The following ROBO1 variants were observed in gnomAD, a reference collection of about 807,000 sequenced individuals.
ROBO1 encodes the protein roundabout guidance receptor 1, also known as roundabout homolog 1.
A neutral mutation model predicts 195.9 loss-of-function variants in ROBO1; 149 were observed. The ratio of observed to expected loss-of-function variants is 0.76; its 90% CI spans 0.67 to 0.87. The LOEUF (loss-of-function observed/expected upper bound fraction) is 0.87. ROBO1 is among the 40% of genes least tolerant of loss of function. The probability of loss-of-function intolerance (pLI) is 0.00; values close to 1 mark genes in which losing one functional copy is unlikely to be tolerated. For synonymous variants in ROBO1, 816 were observed against 733.2 expected (o/e 1.11, Z -1.82); for missense variants, 1,933 against 2,068.3 (o/e 0.93, Z 1.27).
intron 16 of ROBO1, 166 bp from the exon 17 acceptor site, chr3:78,659,973 T>A (rs1194311339): frequency 4.8e-6 from 2 of 414,704 alleles, no homozygotes; most frequent in Non-Finnish European, 8.2e-6. Flanking sequence ...TAGGCTGTAG[T>A]GCTGTGACAT....
At chr3:79,589,702 C>G in intron 2 of ROBO1, 122 bp downstream of exon 2, 1 of 754,240 alleles carries the variant, frequency 1.3e-6, no homozygotes, top group Middle Eastern at 2.5e-4. Context: ...GACATTCACA[C>G]AGACTTACAA....
chr3:79,708,375 A>C (rs903328245), intron 1 of ROBO1, among the ~76,000 whole-genome samples: 1 of 152,182 alleles, frequency 6.6e-6, no homozygotes, highest in Admixed American at 6.6e-5. Flanking sequence ...CATCAACTGC[A>C]TCTTTGAATC....
chr3:79,042,691 T>C (rs998168015), intron 3 of ROBO1, among the ~76,000 whole-genome samples: 1 of 152,164 alleles, frequency 6.6e-6, no homozygotes, highest in African/African-American at 2.4e-5. Flanking sequence ...AAATGAGAAA[T>C]GTGTCATAGA....
chr3:78,873,564 C>G (rs930744743), intron 4 of ROBO1, among the ~76,000 whole-genome samples: 1 of 151,836 alleles, frequency 6.6e-6, no homozygotes, highest in African/African-American at 2.4e-5. Flanking sequence ...AAATACGAAG[C>G]CAATTTTGGA....
At chr3:79,259,977 C>T (rs1457647105) in intron 2 of ROBO1, among the ~76,000 whole-genome samples, 2 of 151,954 alleles carry the variant, frequency 1.3e-5, no homozygotes, top group Non-Finnish European at 2.9e-5. Context: ...GTAGCTTTCC[C>T]TCCCTTCACC....
chr3:79,008,279 A>G (rs1553656191), intron 3 of ROBO1, among the ~76,000 whole-genome samples: 1 of 152,166 alleles, frequency 6.6e-6, no homozygotes, highest in Non-Finnish European at 1.5e-5. Context: ...TTGTATTAAA[A>G]GCTCTTGCAC....
intron 2 of ROBO1, among the ~76,000 whole-genome samples, chr3:79,370,578 A>G (rs1177971215): frequency 6.6e-6 from 1 of 151,772 alleles, no homozygotes; most frequent in Non-Finnish European, 1.5e-5. Flanking sequence ...CATGTCTTGT[A>G]CTACCCTAAT....
chr3:79,726,772 T>A (rs1049380370), intron 1 of ROBO1, among the ~76,000 whole-genome samples: 2 of 152,180 alleles, frequency 1.3e-5, no homozygotes, highest in African/African-American at 4.8e-5. Context: ...TCAATCGACA[T>A]CTAGTCCTTT....
At chr3:78,611,367 G>A (rs1015528160) in intron 28 of ROBO1, among the ~76,000 whole-genome samples, 3 of 152,292 alleles carry the variant, frequency 2.0e-5, no homozygotes, top group African/African-American at 7.2e-5. Context: ...TGAAGAGAGA[G>A]GATGGAAAGA....
chr3:79,728,857 G>A (rs1703032880), intron 1 of ROBO1, among the ~76,000 whole-genome samples: 1 of 151,896 alleles, frequency 6.6e-6, no homozygotes, highest in South Asian at 2.1e-4. Flanking sequence ...ACTATAGTTT[G>A]GCATGATTAC....
chr3:79,611,951 A>C (rs1362704086), intron 1 of ROBO1, among the ~76,000 whole-genome samples: 1 of 152,106 alleles, frequency 6.6e-6, no homozygotes, highest in Non-Finnish European at 1.5e-5. Context: ...GAAAGAGATG[A>C]AGTAATGTTT....
At chr3:79,631,058 T>C (rs1411991757) in intron 1 of ROBO1, among the ~76,000 whole-genome samples, 4 of 151,896 alleles carry the variant, frequency 2.6e-5, no homozygotes, top group African/African-American at 9.7e-5. Flanking sequence ...ATTTTACATA[T>C]AGGTAAAATA....
intron 2 of ROBO1, among the ~76,000 whole-genome samples, chr3:79,156,330 T>C (rs17016763): frequency 0.13 from 20,361 of 151,472 alleles, 2,198 homozygotes; most frequent in African/African-American, 0.3. Flanking sequence ...GAAAATGACA[T>C]ACTGGATTAT....
At chr3:78,984,930 C>G (rs2077072734) in intron 3 of ROBO1, among the ~76,000 whole-genome samples, 1 of 152,188 alleles carries the variant, frequency 6.6e-6, no homozygotes, top group African/African-American at 2.4e-5. Flanking sequence ...GCCAACCCCT[C>G]CTCTTTCTCC....
chr3:79,280,137 T>C (rs1040334984), intron 2 of ROBO1, among the ~76,000 whole-genome samples: 8 of 152,098 alleles, frequency 5.3e-5, no homozygotes, highest in Admixed American at 1.3e-4. Flanking sequence ...TGTCCAAAGA[T>C]ACAAAACTAA....
chr3:79,065,763 T>A (rs2078993426), intron 3 of ROBO1, among the ~76,000 whole-genome samples: 1 of 151,972 alleles, frequency 6.6e-6, no homozygotes, highest in Non-Finnish European at 1.5e-5. Flanking sequence ...AAAAATTTAT[T>A]TTCTTAAAAA....
intron 10 of ROBO1, among the ~76,000 whole-genome samples, chr3:78,675,865 T>G (rs2107754332): frequency 6.6e-6 from 1 of 152,260 alleles, no homozygotes; most frequent in Admixed American, 6.5e-5. Flanking sequence ...AAGGGCAGAC[T>G]GCCTCCTCAA....
At chr3:79,405,868 T>G (rs961319399) in intron 2 of ROBO1, among the ~76,000 whole-genome samples, 11 of 152,216 alleles carry the variant, frequency 7.2e-5, no homozygotes, top group African/African-American at 2.6e-4. Flanking sequence ...TATAAGCCAA[T>G]AAATGGCTCC....
At chr3:79,199,106 C>T (rs568598050) in intron 2 of ROBO1, among the ~76,000 whole-genome samples, 8 of 151,734 alleles carry the variant, frequency 5.3e-5, no homozygotes, top group Admixed American at 4.0e-4. Flanking sequence ...TGTCTTGTGC[C>T]GGTTTTTATA....
Sources: gnomAD v4.1 joint callset for allele counts (sites outside exome capture counted in the v4.1 genomes callset) on GRCh38, gnomAD v4.1.1 for gene constraint, MANE v1.5 for transcripts, NCBI Gene and HGNC (gene_info 2026-07-23, HGNC 2026-07-21) for gene names.